The following MAPK8 variants were observed in gnomAD, a reference collection of about 807,000 sequenced individuals.
MAPK8 encodes the protein mitogen-activated protein kinase 8.
MAPK8 carries 13 observed loss-of-function variants against 52.9 expected under a neutral mutation model. That is an observed-to-expected ratio of 0.25 (90% CI 0.16 to 0.39). The LOEUF (loss-of-function observed/expected upper bound fraction) is 0.39, where lower values mean the gene tolerates loss of function less well. Ranked by LOEUF, MAPK8 falls within the 10% of genes least tolerant of loss-of-function variation. MAPK8 has a pLI of 1.00. For synonymous variants in MAPK8, 191 were observed against 169.8 expected, an observed-to-expected ratio of 1.12 and a Z score of -0.97; for missense variants, 300 against 519.2, an observed-to-expected ratio of 0.58 and a Z score of 4.10.
chr10:48,428,408 A>G (rs1375615519), intron 10 of MAPK8, among the ~76,000 whole-genome samples: 1 of 152,126 alleles, frequency 6.6e-6, no homozygotes, highest in Admixed American at 6.5e-5. Flanking sequence ...ATTTTACCTC[A>G]TCTTAAAATA....
chr10:48,431,195 T>A lies in MAPK8; in HGVS notation c.1063T>A (p.Leu355Met), dbSNP rs1354748570. 6.3e-7 allele frequency: 1 copy of A among 1,596,672 alleles called. No individual in the cohort carries two copies. Among genetic ancestry groups the A allele is most frequent in the Admixed American group, 1.7e-5 (1 of 59,960 alleles). The change falls in exon 11 of 12, where the codon TTG becomes ATG. Residue 355 changes from leucine to methionine, a missense_variant and splice_region_variant. Physicochemically the swap from Leu to Met is conservative, Grantham distance 15. Around this residue, in one of 3 missense-constraint regions of MAPK8, gnomAD observed 119 missense variants for 154.4 expected, o/e 0.77. Transcript: ENST00000374189. ...REHTIEEWKE[L>M]IYKEVMDLEE... ...ATTTTTGTTTACTTCTTTTACAGAA[T>A]TGATATATAAGGAAGTTATGGACTT...
chr10:48,431,881 AAC>A (rs762580897), intron 11 of MAPK8, among the ~76,000 whole-genome samples: 8 of 152,196 alleles, frequency 5.3e-5, no homozygotes, highest in Non-Finnish European at 1.0e-4. Flanking sequence ...CATACCACAT[AAC>A]AGACACTAGT....
intron 1 of MAPK8, among the ~76,000 whole-genome samples, chr10:48,376,510 C>T (rs2040670905): frequency 6.6e-6 from 1 of 152,200 alleles, no homozygotes; most frequent in Non-Finnish European, 1.5e-5. Context: ...TATCCAGAAT[C>T]TACAAAGAAC....
At chr10:48,328,375 C>T (rs1187801749) in intron 1 of MAPK8, among the ~76,000 whole-genome samples, 2 of 149,776 alleles carry the variant, frequency 1.3e-5, no homozygotes, top group African/African-American at 5.0e-5. Flanking sequence ...TTCTTCTGCT[C>T]ACTTTAGGTG....
intron 1 of MAPK8, among the ~76,000 whole-genome samples, chr10:48,360,292 G>A (rs1383439969): frequency 6.6e-6 from 1 of 152,214 alleles, no homozygotes; most frequent in Non-Finnish European, 1.5e-5. Context: ...TTTAAGAGAA[G>A]TGCAGACTAA....
intron 1 of MAPK8, among the ~76,000 whole-genome samples, chr10:48,345,323 A>G (rs1021913914): frequency 6.6e-6 from 1 of 152,068 alleles, no homozygotes; most frequent in Non-Finnish European, 1.5e-5. Context: ...TACCTTCTCA[A>G]TTTGGTTAAT....
intron 1 of MAPK8, among the ~76,000 whole-genome samples, chr10:48,362,885 C>T (rs911756535): frequency 4.0e-5 from 6 of 151,324 alleles, no homozygotes; most frequent in African/African-American, 1.2e-4. Context: ...GGATTACAGG[C>T]GCCTGCCACC....
chr10:48,387,187 A>G (rs1276229531), intron 1 of MAPK8, among the ~76,000 whole-genome samples: 4 of 152,210 alleles, frequency 2.6e-5, no homozygotes, highest in African/African-American at 9.6e-5. Flanking sequence ...TTCTCCTAGA[A>G]GAGAGGGCAA....
At chr10:48,343,515 C>G (rs941717504) in intron 1 of MAPK8, among the ~76,000 whole-genome samples, 3 of 152,180 alleles carry the variant, frequency 2.0e-5, no homozygotes, top group African/African-American at 7.2e-5. Context: ...CCAGTATCTT[C>G]AAGGTAGCAT....
rs1035742318 is a variant in MAPK8 at position 48,382,973 on chromosome 10, G to T, written c.-49-18639G>T. Among the ~76,000 whole-genome samples, 32 of 147,986 alleles carry T rather than the reference G, an allele frequency of 2.2e-4. 1 individual carries two copies. The highest frequency in any genetic ancestry group is 5.4e-4 in the Admixed American group (8 of 14,750). On this transcript the variant is annotated intron_variant, in intron 1 of 11. Coordinates refer to ENST00000374189, the MANE Select transcript of MAPK8 (RefSeq NM_001323329.2). ...ATATGTATATATATATAGATAGCCT[G>T]AATGTCAGCTTTTAATTAAGCTAAT...
intron 5 of MAPK8, among the ~76,000 whole-genome samples, chr10:48,414,950 C>T (rs540594470): frequency 6.6e-6 from 1 of 152,020 alleles, no homozygotes; most frequent in Non-Finnish European, 1.5e-5. Context: ...CGTCAAATAA[C>T]CTTACTCATG....
intron 1 of MAPK8, among the ~76,000 whole-genome samples, chr10:48,316,747 G>A (rs1842539833): frequency 6.6e-6 from 1 of 152,192 alleles, no homozygotes; most frequent in Non-Finnish European, 1.5e-5. Flanking sequence ...TAGGTACTTA[G>A]CTGAACTTCA....
At chr10:48,320,201 A>G (rs1842866772) in intron 1 of MAPK8, among the ~76,000 whole-genome samples, 1 of 113,756 alleles carries the variant, frequency 8.8e-6, no homozygotes, top group African/African-American at 3.4e-5. Context: ...GGTGTGAGCC[A>G]CTGCTCGGCC....
At chr10:48,384,693 AGTG>A (rs1246497881) in intron 1 of MAPK8, among the ~76,000 whole-genome samples, 2 of 152,222 alleles carry the variant, frequency 1.3e-5, no homozygotes, top group Non-Finnish European at 2.9e-5. Context: ...TCAACCAAAG[AGTG>A]GTATAGGTCC....
chr10:48,332,859 A>G (rs1844287679), intron 1 of MAPK8, among the ~76,000 whole-genome samples: 1 of 152,222 alleles, frequency 6.6e-6, no homozygotes, highest in Admixed American at 6.5e-5. Context: ...AAGTAGGCAT[A>G]CTTAAATTCA....
chr10:48,353,661 C>A (rs1376174980), intron 1 of MAPK8, among the ~76,000 whole-genome samples: 1 of 152,150 alleles, frequency 6.6e-6, no homozygotes, highest in African/African-American at 2.4e-5. Flanking sequence ...ATTTGTGATT[C>A]ATTTGTATCA....
chr10:48,396,846 C>T (rs2132915315), intron 1 of MAPK8, among the ~76,000 whole-genome samples: 1 of 152,200 alleles, frequency 6.6e-6, no homozygotes, highest in East Asian at 1.9e-4. Context: ...GAGTTTTAAG[C>T]CTATATACAT....
intron 11 of MAPK8, among the ~76,000 whole-genome samples, chr10:48,433,983 G>A (rs1381141742): frequency 6.6e-6 from 1 of 152,102 alleles, no homozygotes; most frequent in Non-Finnish European, 1.5e-5. Context: ...TGTTCATGTG[G>A]TTCAGAAGTA....
At chr10:48,350,315 A>C (rs1314264560) in intron 1 of MAPK8, among the ~76,000 whole-genome samples, 1 of 152,162 alleles carries the variant, frequency 6.6e-6, no homozygotes, top group Non-Finnish European at 1.5e-5. Flanking sequence ...GACACAACAA[A>C]AAAAGAAAAT....
Sources: allele counts gnomAD v4.1 joint callset (sites outside exome capture counted in the v4.1 genomes callset), GRCh38; gene constraint gnomAD v4.1.1; regional missense constraint gnomAD v4.1.1; transcripts MANE v1.5; gene names NCBI Gene and HGNC (gene_info 2026-07-23, HGNC 2026-07-21).